TJP3: variants seen among roughly 807,000 people sequenced by gnomAD.
TJP3 encodes tight junction protein 3.
In TJP3, 85 loss-of-function variants were observed where a neutral mutation model predicts 104.2. The ratio of observed to expected loss-of-function variants is 0.82; its 90% CI spans 0.68 to 0.98. The LOEUF (loss-of-function observed/expected upper bound fraction) is 0.98. TJP3 is among the 50% of genes least tolerant of loss of function. The pLI, the probability that TJP3 is intolerant of heterozygous loss-of-function variation, is 0.00. For synonymous variants in TJP3, 550 were observed against 550.6 expected (o/e 1.00, Z 0.02); for missense variants, 1,367 against 1,322.8 (o/e 1.03, Z -0.52).
Position 3,728,851 on chromosome 19 carries a change from G to C in TJP3, c.158+138G>C. On this transcript the variant is annotated intron_variant, in intron 3 of 20. Transcript: ENST00000541714. The stretch of plus-strand genomic sequence containing the variant: ...GCGGATCACCTGAGTTCAGGAGTTT[G>C]AGACCAGCCTGGCCAACATGGTGAA... 3.4e-6 allele frequency: 3 copies of C among 871,798 alleles called. No homozygotes were observed. The South Asian group carries it at 5.0e-5, about 15-fold the overall frequency. The allele number at this position is 871,798 out of a possible 1,614,324, so 54.0% of individuals were successfully genotyped here. A position where few individuals can be genotyped will look rare whatever the true frequency, so the allele number is the denominator to read the frequency against.
intron 10 of TJP3, 36 bp downstream of exon 10, chr19:3,735,971 C>T (rs2036733865): frequency 6.2e-7 from 1 of 1,612,130 alleles, no homozygotes; most frequent in Non-Finnish European, 8.5e-7. Context: ...CCGCTCAAAA[C>T]TCCTACATCC....
Position 3,734,348 on chromosome 19 carries a change from A to C in TJP3, c.899A>C (p.Glu300Ala). 6.2e-7 allele frequency: 1 copy of C among 1,613,566 alleles called. No individual in the cohort carries two copies. Among genetic ancestry groups the C allele is most frequent in the Non-Finnish European group, 8.5e-7 (1 of 1,179,970 alleles). ...GCAGACATCTCGGACCTCGCCTCGG[A>C]GCTATCGCAGGCACCACCATCCCAC... ...PLEDISDLAS[E>A]LSQAPPSHIP... The change falls in exon 8 of 21, where the codon GAG (glutamate) becomes GCG (alanine). Residue 300 changes from glutamate to alanine, a missense_variant. Transcript: ENST00000541714.
At position 3,728,658 on chromosome 19, in the gene TJP3, G is replaced by A. The variant is rs2036630915; in HGVS notation, c.103G>A (p.Gly35Arg). The A allele has an allele frequency of 6.2e-7, 1 of 1,613,804 alleles. No homozygotes were observed. The highest frequency in any genetic ancestry group is 8.5e-7 in the Non-Finnish European group (1 of 1,179,984). The change falls in exon 3 of 21, where the codon GGA (glycine) becomes AGA (arginine). Residue 35 changes from glycine to arginine, a missense_variant. Transcript: ENST00000541714. ...CTCTGGAGGCCGAGACCGGCCCGGT[G>A]GATCCATGGTTGTATCTGACGTGGT... ...AISGGRDRPG[G>R]SMVVSDVVPG...
At chr19:3,742,242 T>G (rs1279151093) in intron 14 of TJP3, among the ~76,000 whole-genome samples, 1 of 151,926 alleles carries the variant, frequency 6.6e-6, no homozygotes, top group Non-Finnish European at 1.5e-5. Flanking sequence ...GGGACCAGCC[T>G]GGACAGCAAA....
rs1421328174 is a variant in TJP3, at chr19:3,716,801, A to ATATATAT, written c.-10+8241_-10+8242insATATATT. Among the ~76,000 whole-genome samples the ATATATAT allele has an allele frequency of 1.5e-3, 125 of 81,924 alleles. 2 individuals carry two copies. The highest frequency in any genetic ancestry group is 5.8e-3 in the African/African-American group (119 of 20,412). 53.7% of individuals were successfully genotyped at this position (81,924 alleles called of 152,430 possible). On this transcript the variant is annotated intron_variant, in intron 1 of 20. Transcript: ENST00000541714. ...CATACATATATATATATATATATAT[A>ATATATAT]TTTTTTTTTTTTTTTTGAAACAGAG...
intron 1 of TJP3, among the ~76,000 whole-genome samples, chr19:3,718,257 CTGTGT>C (rs2036508190): frequency 3.6e-5 from 1 of 27,472 alleles, no homozygotes; most frequent in Non-Finnish European, 6.4e-5. Flanking sequence ...GTGTGTGTGT[CTGTGT>C]GTGTGTAGAG....
intron 14 of TJP3, among the ~76,000 whole-genome samples, chr19:3,741,845 C>T (rs2036825993): frequency 6.6e-6 from 1 of 151,346 alleles, no homozygotes; most frequent in Non-Finnish European, 1.5e-5. Context: ...TGGCAGGTGC[C>T]TATAATCCCA....
chr19:3,726,492 G>T (rs1211282012), intron 1 of TJP3, among the ~76,000 whole-genome samples: 1 of 152,032 alleles, frequency 6.6e-6, no homozygotes, highest in Non-Finnish European at 1.5e-5. Context: ...CCAGCTACTT[G>T]GGAGGCTGAG....
At chr19:3,745,540 C>T (rs1199856671) in intron 15 of TJP3, among the ~76,000 whole-genome samples, 7 of 152,322 alleles carry the variant, frequency 4.6e-5, no homozygotes, top group East Asian at 3.9e-4. Flanking sequence ...CTTCCTGAAA[C>T]TTTGCACGAT....
At chr19:3,710,169 G>T (rs996336901) in intron 1 of TJP3, among the ~76,000 whole-genome samples, 1 of 150,500 alleles carries the variant, frequency 6.6e-6, no homozygotes, top group East Asian at 1.9e-4. Flanking sequence ...AAAAAAAAAG[G>T]GGTGGGGGGA....
chr19:3,714,723 C>A (rs1272229055), intron 1 of TJP3, among the ~76,000 whole-genome samples: 2 of 152,026 alleles, frequency 1.3e-5, no homozygotes, highest in South Asian at 4.2e-4. Context: ...TGGCCCTGAT[C>A]CACTGGGGGA....
chr19:3,745,262 T>C (rs1191886142), intron 15 of TJP3, among the ~76,000 whole-genome samples: 1 of 149,930 alleles, frequency 6.7e-6, no homozygotes, highest in African/African-American at 2.5e-5. Flanking sequence ...CCTCCTGCCT[T>C]AGCCACCCTG....
Position 3,730,255 on chromosome 19 carries a change from C to T in TJP3, c.262-100C>T, listed in dbSNP as rs2036651181. 1 of 1,485,032 alleles carries T rather than the reference C, an allele frequency of 6.7e-7. No individual in the cohort carries two copies. The highest frequency in any genetic ancestry group is 9.2e-7 in the Non-Finnish European group (1 of 1,087,444). 92.0% of individuals were successfully genotyped at this position (1,485,032 alleles called of 1,614,324 possible). ...CATCTTACAGTTTGGACATTGAGGC[C>T]CAGAGAGAGACTGGTGTCCCCCAGG... On this transcript the variant is annotated intron_variant, in intron 4 of 20. Transcript: ENST00000541714. This position sits in a 1 kb window ranked among gnomAD's most constrained non-coding sequence, Gnocchi z 7.3.
chr19:3,729,375 G>A (rs530868843), intron 3 of TJP3, among the ~76,000 whole-genome samples: 1 of 152,308 alleles, frequency 6.6e-6, no homozygotes, highest in South Asian at 2.1e-4. Flanking sequence ...CAGGTTCAGA[G>A]AGAAAGAGCT....
Position 3,733,813 on chromosome 19 carries a change from T to C in TJP3, c.778T>C (p.Ser260Pro), listed in dbSNP as rs1335469544. 2 of 1,614,166 alleles carry C rather than the reference T, an allele frequency of 1.2e-6. No individual in the cohort carries two copies. The highest frequency in any genetic ancestry group is 1.1e-5 in the South Asian group (1 of 91,088). The change falls in exon 7 of 21, where the codon TCA becomes CCA. Residue 260 changes from serine to proline, a missense_variant. Ser to Pro is a moderately conservative substitution (Grantham distance 74, BLOSUM62 -1). Coordinates refer to ENST00000541714, the MANE Select transcript of TJP3 (RefSeq NM_001267560.2). The part of the protein sequence containing the change: ...LNDTRRLIEK[S>P]EGKLSLLVLR... The stretch of plus-strand genomic sequence containing the variant: ...CGACACCCGGCGACTGATTGAGAAG[T>C]CAGAAGGGAAGCTAAGCCTGCTGGT...
chr19:3,721,870 G>A, intron 1 of TJP3: 3 of 1,225,930 alleles, frequency 2.4e-6, no homozygotes, highest in South Asian at 4.1e-5. Context: ...GGGTAGGGGG[G>A]CTGGAGAGCC....
rs75331804 is a variant in TJP3, at chr19:3,736,509, A to G, written c.1284+188A>G. Reference sequence around the variant, plus strand: ...TGCTGATGTCACGACCTTATCTTCCAGGTCATGACCTCATCGTCCAGTTAC... The same window carrying G: ...TGCTGATGTCACGACCTTATCTTCCGGGTCATGACCTCATCGTCCAGTTAC... On this transcript the variant is annotated intron_variant, in intron 11 of 20. Transcript: ENST00000541714. 5.9e-5 allele frequency among the ~76,000 whole-genome samples: 9 copies of G among 152,282 alleles called. No individual in the cohort carries two copies. In the East Asian group the frequency reaches 1.7e-3, roughly 29 times the overall value.
intron 1 of TJP3, among the ~76,000 whole-genome samples, chr19:3,716,150 G>A (rs971144230): frequency 6.2e-5 from 9 of 145,658 alleles, no homozygotes. Flanking sequence ...TCAGATCACT[G>A]CGACCTCTGC....
At position 3,746,442 on chromosome 19, in the gene TJP3, T is replaced by C. The variant is rs1248113545; in HGVS notation, c.2011-43T>C. Reference sequence around the variant, plus strand: ...TCTATCTTTCTCTCTCTGTTTACCCTGCTGCAATCCCCCTCACCCCAACGT... The same window carrying C: ...TCTATCTTTCTCTCTCTGTTTACCCCGCTGCAATCCCCCTCACCCCAACGT... On this transcript the variant is annotated intron_variant, in intron 16 of 20. Transcript: ENST00000541714. This position sits in a 1 kb window ranked among gnomAD's most constrained non-coding sequence, Gnocchi z 4.1. 1 of 1,599,290 alleles carries C rather than the reference T, an allele frequency of 6.3e-7. No homozygotes were observed. The highest frequency in any genetic ancestry group is 8.6e-7 in the Non-Finnish European group (1 of 1,168,188).
Sources: gnomAD v4.1 joint callset for allele counts (sites outside exome capture counted in the v4.1 genomes callset) on GRCh38, gnomAD v4.1.1 for gene constraint, Gnocchi (gnomAD v3.1) non-coding constraint, MANE v1.5 for transcripts, NCBI Gene and HGNC (gene_info 2026-07-23, HGNC 2026-07-21) for gene names.